Variants in RNF144A observed in about 807,000 individuals in gnomAD.
RNF144A encodes ring finger protein 144A.
In RNF144A, 11 loss-of-function variants were observed where a neutral mutation model predicts 38.7. The observed-to-expected ratio is 0.28, with a 90% confidence interval of 0.18 to 0.47. The LOEUF is 0.47. Among genes scored for constraint, RNF144A ranks in the 20% least tolerant of loss-of-function variants. RNF144A has a pLI of 0.99. For synonymous variants in RNF144A, 149 were observed against 143.9 expected, an observed-to-expected ratio of 1.04 and a Z score of -0.25; for missense variants, 316 against 377.2, an observed-to-expected ratio of 0.84 and a Z score of 1.34.
chr2:7,020,425 G>C, intron 5 of RNF144A, 48 bp from the exon 6 acceptor site: 1 of 1,550,192 alleles, frequency 6.5e-7, no homozygotes, highest in Non-Finnish European at 8.9e-7. Flanking sequence ...AAGCCCACAT[G>C]ACCCTCTGGC....
At chr2:6,945,851 A>G (rs891793253) in intron 2 of RNF144A, among the ~76,000 whole-genome samples, 7 of 152,136 alleles carry the variant, frequency 4.6e-5, no homozygotes, top group Admixed American at 1.3e-4. Flanking sequence ...CAACCAAGGC[A>G]GTTTTGAGCC....
chr2:6,996,918 T>G lies in RNF144A; in HGVS notation c.-9T>G, dbSNP rs746353918. The stretch of plus-strand genomic sequence containing the variant: ...CTTCCGTGCTTCTCTCGTTTCAGAC[T>G]GTTCTGCGATGACCACAACAAGGTA... On this transcript the variant is annotated splice_region_variant and 5_prime_UTR_variant, in exon 3 of 9. Transcript: ENST00000320892. The G allele has an allele frequency of 1.2e-6, 2 of 1,613,112 alleles. No homozygotes were observed. The highest frequency in any genetic ancestry group is 1.1e-5 in the South Asian group (1 of 91,028).
intron 2 of RNF144A, among the ~76,000 whole-genome samples, chr2:6,952,630 CATAT>C (rs1210559018): frequency 6.7e-6 from 1 of 150,060 alleles, no homozygotes; most frequent in Non-Finnish European, 1.5e-5. Context: ...AGTATGTTAA[CATAT>C]ATTTATATAT....
intron 2 of RNF144A, among the ~76,000 whole-genome samples, chr2:6,980,492 C>T (rs542292220): frequency 1.3e-5 from 2 of 152,386 alleles, no homozygotes; most frequent in East Asian, 3.9e-4. Context: ...TCTGGCCAGG[C>T]AGTCATTACA....
chr2:6,961,791 C>T (rs1667360822), intron 2 of RNF144A, among the ~76,000 whole-genome samples: 1 of 152,184 alleles, frequency 6.6e-6, no homozygotes, highest in Non-Finnish European at 1.5e-5. Flanking sequence ...ATGAAGTATT[C>T]CTGACTTGGC....
chr2:7,040,722 C>T lies in RNF144A; in HGVS notation c.*962C>T, dbSNP rs777439777. Reference sequence around the variant, plus strand: ...TAAGAAGAAAGCAGCCTCATTGATCCGCAGATGTAGGGGCCTCTTGGCAGA... The same window carrying T: ...TAAGAAGAAAGCAGCCTCATTGATCTGCAGATGTAGGGGCCTCTTGGCAGA... On this transcript the variant is annotated 3_prime_UTR_variant, in exon 9 of 9. Coordinates refer to ENST00000320892, the MANE Select transcript of RNF144A (RefSeq NM_014746.6). The T allele has an allele frequency of 2.8e-4, 273 of 985,434 alleles. No homozygotes were observed. The highest frequency in any genetic ancestry group is 7.4e-4 in the Admixed American group (12 of 16,288). 61.0% of individuals were successfully genotyped at this position (985,434 alleles called of 1,614,324 possible).
chr2:7,014,405 C>A, intron 3 of RNF144A, 49 bp from the exon 4 acceptor site: 1 of 1,238,572 alleles, frequency 8.1e-7, no homozygotes, highest in Non-Finnish European at 1.2e-6. Context: ...GTTTCTTCAG[C>A]ATTAAGGAGG....
At chr2:7,009,786 C>G (rs1055784157) in intron 3 of RNF144A, among the ~76,000 whole-genome samples, 1 of 152,190 alleles carries the variant, frequency 6.6e-6, no homozygotes, top group Non-Finnish European at 1.5e-5. Flanking sequence ...AGCCCTCCAG[C>G]CTGTGCTGAG....
chr2:6,919,795 A>C (rs895300785), intron 1 of RNF144A, among the ~76,000 whole-genome samples: 3 of 152,174 alleles, frequency 2.0e-5, no homozygotes, highest in African/African-American at 4.8e-5. Flanking sequence ...GTTTTTAAAG[A>C]GCTCCCGATT....
chr2:7,048,336 ATGT>A (rs1279633888), downstream of RNF144A, among the ~76,000 whole-genome samples: 6 of 152,244 alleles, frequency 3.9e-5, no homozygotes, highest in Admixed American at 3.9e-4. Flanking sequence ...CTGAATCAAC[ATGT>A]TGTTCACAGG....
At chr2:6,960,270 C>T (rs554913516) in intron 2 of RNF144A, among the ~76,000 whole-genome samples, 10 of 152,338 alleles carry the variant, frequency 6.6e-5, no homozygotes, top group African/African-American at 2.2e-4. Flanking sequence ...GGCATGGAAT[C>T]TTCGCAACAG....
intron 2 of RNF144A, among the ~76,000 whole-genome samples, chr2:6,954,848 TGTC>T (rs1240928397): frequency 6.6e-6 from 1 of 152,272 alleles, no homozygotes. Context: ...TAAACTTAGC[TGTC>T]GTCAAGTTGA....
At chr2:6,956,917 G>A (rs1377100681) in intron 2 of RNF144A, among the ~76,000 whole-genome samples, 1 of 152,210 alleles carries the variant, frequency 6.6e-6, no homozygotes, top group African/African-American at 2.4e-5. Context: ...AAAATGACAA[G>A]CATATTAAAA....
Position 7,068,076 on chromosome 2 carries a change from C to T in RNF144A, c.735-140C>T, listed in dbSNP as rs138313904. ...ATTCCCACTTACCAGTGCTGTGCTC[C>T]GAGTTGGGCTCAATCTCTCTTCCCT... On this transcript the variant is annotated intron_variant, in intron 6 of 6. Transcript: ENST00000432850. The T allele has an allele frequency of 5.4e-3, 2,220 of 411,278 alleles. 16 individuals are homozygous for T. Among genetic ancestry groups the T allele is most frequent in the East Asian group, 0.031 (435 of 13,998 alleles). The allele number at this position is 411,278 out of a possible 1,614,324, so 25.5% of individuals were successfully genotyped here. A position where few individuals can be genotyped will look rare whatever the true frequency, so the allele number is the denominator to read the frequency against.
intron 6 of RNF144A, among the ~76,000 whole-genome samples, chr2:7,060,205 T>C (rs1479350829): frequency 6.6e-6 from 1 of 152,194 alleles, no homozygotes; most frequent in Non-Finnish European, 1.5e-5. Context: ...TTTCTGCCCC[T>C]TCTCTTGGCA....
At chr2:6,988,781 C>T (rs1669121218) in intron 2 of RNF144A, among the ~76,000 whole-genome samples, 1 of 152,220 alleles carries the variant, frequency 6.6e-6, no homozygotes, top group Admixed American at 6.5e-5. Flanking sequence ...TTAGGCTCCA[C>T]CTCCTTGAGG....
intron 3 of RNF144A, among the ~76,000 whole-genome samples, chr2:7,007,945 C>T (rs538790188): frequency 6.6e-6 from 1 of 152,322 alleles, no homozygotes; most frequent in African/African-American, 2.4e-5. Context: ...CAGAAGTCTT[C>T]CCTCTCCACC....
chr2:7,018,428 C>T (rs950395762), intron 5 of RNF144A, among the ~76,000 whole-genome samples: 3 of 152,212 alleles, frequency 2.0e-5, no homozygotes, highest in Non-Finnish European at 4.4e-5. Context: ...TCGGAGGCAT[C>T]GCGGGGACGG....
At chr2:6,974,868 T>C (rs1421952399) in intron 2 of RNF144A, among the ~76,000 whole-genome samples, 1 of 152,226 alleles carries the variant, frequency 6.6e-6, no homozygotes, top group East Asian at 1.9e-4. Flanking sequence ...GGAATTTTTT[T>C]GGTAATTTAT....
Sources: allele counts gnomAD v4.1 joint callset (sites outside exome capture counted in the v4.1 genomes callset), GRCh38; gene constraint gnomAD v4.1.1; transcripts MANE v1.5; gene names NCBI Gene and HGNC (gene_info 2026-07-23, HGNC 2026-07-21).